The following OSBPL3 variants were observed in gnomAD, a reference collection of about 807,000 sequenced individuals.
OSBPL3 encodes the protein oxysterol binding protein like 3.
Under a neutral mutation model 120.1 loss-of-function variants are expected in OSBPL3, and 65 were observed. The ratio of observed to expected loss-of-function variants is 0.54; its 90% CI spans 0.44 to 0.67. The LOEUF (loss-of-function observed/expected upper bound fraction) is 0.67. Among genes scored for constraint, OSBPL3 ranks in the 30% least tolerant of loss-of-function variants. The pLI is 0.00. For synonymous variants in OSBPL3, 416 were observed against 402.6 expected (o/e 1.03, Z -0.40); for missense variants, 1,004 against 1,082.1 (o/e 0.93, Z 1.01).
Position 24,854,298 on chromosome 7 carries a change from G to A in OSBPL3, c.1028-1664C>T, listed in dbSNP as rs984805843. On this transcript the variant is annotated intron_variant, in intron 10 of 22. Coordinates refer to ENST00000313367, the MANE Select transcript of OSBPL3 (RefSeq NM_015550.4). The surrounding 1 kb of genome is among the most constrained non-coding windows in gnomAD (Gnocchi z 4.1). ...GCACATTACTGAATTCCACAGGGCT[G>A]CATTTTTAGAGGTATTGTTATTCAA... Among the ~76,000 whole-genome samples, 1 of 152,136 alleles carries A rather than the reference G, an allele frequency of 6.6e-6. No individual in the cohort carries two copies. Among genetic ancestry groups the A allele is most frequent in the Non-Finnish European group, 1.5e-5 (1 of 68,012 alleles).
chr7:24,851,200 A>G lies in OSBPL3; in HGVS notation c.1158+1304T>C, dbSNP rs1799112048. 6.6e-6 allele frequency among the ~76,000 whole-genome samples: 1 copy of G among 152,240 alleles called. No individual in the cohort carries two copies. The highest frequency in any genetic ancestry group is 2.4e-5 in the African/African-American group (1 of 41,454). ...ATAAGAAAGTTAGGGAAAAAAAACA[A>G]AAACACTTTGCTTCTGCTTCTCTCA... On this transcript the variant is annotated intron_variant, in intron 11 of 22. Transcript: ENST00000313367. This position sits in a 1 kb window ranked among gnomAD's most constrained non-coding sequence, Gnocchi z 4.1.
chr7:24,974,192 T>C (rs1304486883), intron 1 of OSBPL3, among the ~76,000 whole-genome samples: 1 of 152,190 alleles, frequency 6.6e-6, no homozygotes, highest in Non-Finnish European at 1.5e-5. Context: ...ACAGCACAGA[T>C]AGAGAATTCA....
chr7:24,973,293 C>T (rs1366337442), intron 1 of OSBPL3, among the ~76,000 whole-genome samples: 1 of 152,166 alleles, frequency 6.6e-6, no homozygotes, highest in Non-Finnish European at 1.5e-5. Context: ...TAGACAGCAA[C>T]ATAATTTTCA....
intron 12 of OSBPL3, among the ~76,000 whole-genome samples, chr7:24,845,135 T>C (rs1460721563): frequency 1.3e-5 from 2 of 152,040 alleles, no homozygotes; most frequent in Non-Finnish European, 2.9e-5. Flanking sequence ...AAAATATATA[T>C]TACCTAATTA....
In OSBPL3 at chr7:24,852,378, T is replaced by C. The variant is rs1180342913; in HGVS notation, c.1158+126A>G. The C allele has an allele frequency of 1.3e-6, 1 of 753,818 alleles. No individual in the cohort carries two copies. The highest frequency in any genetic ancestry group is 1.8e-5 in the African/African-American group (1 of 55,690). 46.7% of individuals were successfully genotyped at this position (753,818 alleles called of 1,614,324 possible). ...CAAATAAGCAGATTTGATGAAAGGT[T>C]AGAATATAATTTGGATAATTTGGTT... On this transcript the variant is annotated intron_variant, in intron 11 of 22. Coordinates refer to ENST00000313367, the MANE Select transcript of OSBPL3 (RefSeq NM_015550.4). This position sits in a 1 kb window ranked among gnomAD's most constrained non-coding sequence, Gnocchi z 4.1.
chr7:24,965,645 C>T lies in OSBPL3; in HGVS notation c.-150+14241G>A, dbSNP rs1303761627. 6.6e-6 allele frequency among the ~76,000 whole-genome samples: 1 copy of T among 152,076 alleles called. No individual in the cohort carries two copies. Among genetic ancestry groups the T allele is most frequent in the Non-Finnish European group, 1.5e-5 (1 of 68,016 alleles). ...TATTAGAATTGTAGAATCTCAGGTC[C>T]CATTAAATCAGAAACCCACTAAATC... On this transcript the variant is annotated intron_variant, in intron 1 of 22. Coordinates refer to ENST00000313367, the MANE Select transcript of OSBPL3 (RefSeq NM_015550.4). The surrounding 1 kb of genome is among the most constrained non-coding windows in gnomAD (Gnocchi z 4.3).
In OSBPL3 at chr7:24,919,278, C is replaced by T. The variant is rs79854718; in HGVS notation, c.-149-26657G>A. ...CAAGTTACTACAAAGCTACAGGCAC[C>T]AAGACAACGTGTCCTAGCATAAAGA... is the stretch of plus-strand genomic sequence containing the variant. On this transcript the variant is annotated intron_variant, in intron 1 of 22. Transcript: ENST00000313367. 2.8e-3 allele frequency among the ~76,000 whole-genome samples: 431 copies of T among 152,142 alleles called. 5 individuals are homozygous for T. The highest frequency in any genetic ancestry group is 9.8e-3 in the African/African-American group (405 of 41,512).
Position 24,834,711 on chromosome 7 carries a change from T to C in OSBPL3, c.1521A>G (p.Glu507=). The C allele has an allele frequency of 6.2e-7, 1 of 1,612,628 alleles. No homozygotes were observed. Among genetic ancestry groups the C allele is most frequent in the Non-Finnish European group, 8.5e-7 (1 of 1,179,330 alleles). ...TLGPVLDSGR[E]AKSRRRTCLP... Reference sequence around the variant, plus strand: ...GGCACGTTCTTCTCCGGGACTTCGCTTCCCGACCACTATCAAGGACAGGCC... The same window carrying C: ...GGCACGTTCTTCTCCGGGACTTCGCCTCCCGACCACTATCAAGGACAGGCC... Residue 507 remains glutamate, a synonymous_variant, in exon 15 of 23, where the codon GAA becomes GAG. Coordinates refer to ENST00000313367, the MANE Select transcript of OSBPL3 (RefSeq NM_015550.4). This position sits in a 1 kb window ranked among gnomAD's most constrained non-coding sequence, Gnocchi z 5.2.
rs535739384 is a variant in OSBPL3 at position 24,805,688 on chromosome 7, T to C, written c.2444+1088A>G. On this transcript the variant is annotated intron_variant, in intron 21 of 22. Transcript: ENST00000313367. The surrounding 1 kb of genome is among the most constrained non-coding windows in gnomAD (Gnocchi z 4.0). ...ATGTATGGCTTTCTTTAAAATAAAT[T>C]AGGGGAATGGGCCCATTTGGGACCA... 5.3e-4 allele frequency among the ~76,000 whole-genome samples: 80 copies of C among 152,278 alleles called. No homozygotes were observed. Among genetic ancestry groups the C allele is most frequent in the African/African-American group, 1.9e-3 (77 of 41,562 alleles).
rs1792629037 is a variant in OSBPL3 at position 24,803,481 on chromosome 7, T to A, written c.2567+834A>T. 6.6e-6 allele frequency among the ~76,000 whole-genome samples: 1 copy of A among 152,078 alleles called. No individual in the cohort carries two copies. Among genetic ancestry groups the A allele is most frequent in the Non-Finnish European group, 1.5e-5 (1 of 68,004 alleles). ...GGGTTGAAGATCTCTCATACCTCCT[T>A]TAAAAATTTATATCTATTGGCTGGG... is the stretch of plus-strand genomic sequence containing the variant. On this transcript the variant is annotated intron_variant, in intron 22 of 22. Transcript: ENST00000313367. The surrounding 1 kb of genome is among the most constrained non-coding windows in gnomAD (Gnocchi z 4.2).
rs745408404 is a variant in OSBPL3, at chr7:24,808,586, C to G, written c.2317+1221G>C. On this transcript the variant is annotated intron_variant, in intron 20 of 22. Transcript: ENST00000313367. The surrounding 1 kb of genome is among the most constrained non-coding windows in gnomAD (Gnocchi z 4.6). Reference sequence around the variant, plus strand: ...CACTGGTGCCAATTCATTCTAACTTCACGGCAACCTCTGCAACAGTGGGAG... The same window carrying G: ...CACTGGTGCCAATTCATTCTAACTTGACGGCAACCTCTGCAACAGTGGGAG... Among the ~76,000 whole-genome samples, 3 of 152,204 alleles carry G rather than the reference C, an allele frequency of 2.0e-5. No homozygotes were observed. The highest frequency in any genetic ancestry group is 4.4e-5 in the Non-Finnish European group (3 of 68,036).
chr7:24,842,378 A>G lies in OSBPL3; in HGVS notation c.1302T>C (p.His434=). Residue 434 remains histidine (H), a synonymous_variant, in exon 13 of 23, where the codon CAT becomes CAC. Transcript: ENST00000313367. ...AGAGTCTACTTTCATTAGAAAGCTG[A>G]TGAACTAGAGCTCGGTTTTCATCTC... ...NSRDENRALV[H]QLSNESRLSI... 1 of 1,612,520 alleles carries G rather than the reference A, an allele frequency of 6.2e-7. No homozygotes were observed. Among genetic ancestry groups the G allele is most frequent in the Non-Finnish European group, 8.5e-7 (1 of 1,179,458 alleles).
At position 24,805,293 on chromosome 7, in the gene OSBPL3, G is replaced by A. The variant is rs1036212445; in HGVS notation, c.2445-856C>T. Among the ~76,000 whole-genome samples, 3 of 152,212 alleles carry A rather than the reference G, an allele frequency of 2.0e-5. No homozygotes were observed. Among genetic ancestry groups the A allele is most frequent in the Admixed American group, 1.3e-4 (2 of 15,294 alleles). On this transcript the variant is annotated intron_variant, in intron 21 of 22. Transcript: ENST00000313367. This position sits in a 1 kb window ranked among gnomAD's most constrained non-coding sequence, Gnocchi z 4.0. ...CTGATAGGTTAAAAATTGGGATGTCGACATGATTTTTAAATTTGCATTTTT... is the reference window on the plus strand; with the variant it reads ...CTGATAGGTTAAAAATTGGGATGTCAACATGATTTTTAAATTTGCATTTTT...
At chr7:24,895,522 T>A (rs972055494) in intron 1 of OSBPL3, among the ~76,000 whole-genome samples, 1 of 152,156 alleles carries the variant, frequency 6.6e-6, no homozygotes, top group Non-Finnish European at 1.5e-5. Context: ...AAGCGACGCA[T>A]GACTACTTAA....
intron 1 of OSBPL3, among the ~76,000 whole-genome samples, chr7:24,960,783 T>C (rs1228076211): frequency 1.3e-5 from 2 of 152,186 alleles, no homozygotes; most frequent in Non-Finnish European, 2.9e-5. Flanking sequence ...AGATAATCCA[T>C]CACAGTTCAT....
At chr7:24,929,871 C>A (rs1424764049) in intron 1 of OSBPL3, among the ~76,000 whole-genome samples, 1 of 152,140 alleles carries the variant, frequency 6.6e-6, no homozygotes, top group African/African-American at 2.4e-5. Context: ...ATTGGCAAAT[C>A]TTTGGATTTC....
At chr7:24,801,313 T>G (rs1792325975) in intron 22 of OSBPL3, among the ~76,000 whole-genome samples, 1 of 151,680 alleles carries the variant, frequency 6.6e-6, no homozygotes, top group Non-Finnish European at 1.5e-5. Flanking sequence ...TGATTTTCTA[T>G]TCTTTGAATA....
rs777019468 is a variant in OSBPL3, at chr7:24,861,721, T to C, written c.919A>G (p.Asn307Asp). The C allele has an allele frequency of 1.2e-6, 2 of 1,612,028 alleles. No individual in the cohort carries two copies. Among genetic ancestry groups the C allele is most frequent in the South Asian group, 2.2e-5 (2 of 90,918 alleles). ...TCTCCAAAATCTAGTGTTGACAAAT[T>C]AGGATTGGAGGAGTGTAGTCTTACT... ...GPVRLHSSNP[N>D]LSTLDFGEEK... Residue 307 changes from asparagine to aspartate, a missense_variant, in exon 10 of 23, where the codon AAT becomes GAT. This residue lies in a region of OSBPL3 where 272 missense variants were observed against 248.8 expected (regional missense o/e 1.09). Transcript: ENST00000313367.
chr7:24,815,159 T>G lies in OSBPL3; in HGVS notation c.2072A>C (p.His691Pro), dbSNP rs1346163903. 6.2e-7 allele frequency: 1 copy of G among 1,613,730 alleles called. No homozygotes were observed. The highest frequency in any genetic ancestry group is 8.5e-7 in the Non-Finnish European group (1 of 1,179,610). Reference protein sequence around the residue: ...FEWNKVTSCIHNILSGQRWIE... With the variant: ...FEWNKVTSCIPNILSGQRWIE... ...CCACCTCTGCCCGCTTAAGATGTTA[T>G]GGATGCAAGAGGTCACTTTGTTCCA... The change falls in exon 19 of 23, where the codon CAT becomes CCT. Residue 691 changes from histidine (H) to proline (P), a missense_variant. Coordinates refer to ENST00000313367, the MANE Select transcript of OSBPL3 (RefSeq NM_015550.4). This position sits in a 1 kb window ranked among gnomAD's most constrained non-coding sequence, Gnocchi z 5.1.
Sources: gnomAD v4.1 joint callset for allele counts (sites outside exome capture counted in the v4.1 genomes callset) on GRCh38, gnomAD v4.1.1 for gene constraint, gnomAD v4.1.1 regional missense constraint, Gnocchi (gnomAD v3.1) non-coding constraint, MANE v1.5 for transcripts, NCBI Gene and HGNC (gene_info 2026-07-23, HGNC 2026-07-21) for gene names.